The following TENM3 variants were observed in gnomAD, a reference collection of about 807,000 sequenced individuals.
TENM3 encodes teneurin-3.
Under a neutral mutation model 255.1 loss-of-function variants are expected in TENM3, and 63 were observed. The ratio of observed to expected loss-of-function variants is 0.25; its 90% confidence interval spans 0.20 to 0.30. The LOEUF is 0.30. TENM3 is among the 10% of genes least tolerant of loss of function. The pLI is 1.00. For synonymous variants in TENM3, 1,306 were observed against 1,322.3 expected (o/e 0.99, Z 0.27); for missense variants, 2,929 against 3,461.1 (o/e 0.85, Z 3.86).
chr4:181,908,800 A>G, the TENM3 span, among the ~76,000 whole-genome samples: 4 of 152,240 alleles, frequency 2.6e-5, no homozygotes, highest in South Asian at 2.1e-4. Flanking sequence ...TCAGGTTATC[A>G]TAGTTATGTG....
the TENM3 span, among the ~76,000 whole-genome samples, chr4:181,727,041 G>C: frequency 6.6e-6 from 1 of 152,086 alleles, no homozygotes; most frequent in Admixed American, 6.5e-5. Context: ...AGGAACCTTC[G>C]TGTGTTCAGC....
chr4:182,190,389 A>T (rs1407465514), intron 1 of TENM3: 1 of 152,138 alleles, frequency 6.6e-6, no homozygotes, highest in African/African-American at 2.4e-5. Flanking sequence ...CTTTCTGCGT[A>T]CCTCCCGTCT....
At chr4:182,477,542 G>A (rs1733791548) in intron 3 of TENM3, among the ~76,000 whole-genome samples, 1 of 152,056 alleles carries the variant, frequency 6.6e-6, no homozygotes, top group African/African-American at 2.4e-5. Flanking sequence ...CCTCCCACCG[G>A]CCTCCTGAAT....
chr4:181,849,949 T>TCACACACACACACA, the TENM3 span, among the ~76,000 whole-genome samples: 4 of 65,954 alleles, frequency 6.1e-5, no homozygotes, highest in African/African-American at 8.7e-5. Context: ...TCTCTCTCTC[T>TCACACACACACACA]CACACACACA....
intron 13 of TENM3, among the ~76,000 whole-genome samples, chr4:182,724,976 C>T (rs1760048171): frequency 6.6e-6 from 1 of 151,840 alleles, no homozygotes; most frequent in Non-Finnish European, 1.5e-5. Context: ...AAAGATTCGT[C>T]ATAAACATCA....
chr4:182,423,140 C>G (rs535376945), intron 3 of TENM3, among the ~76,000 whole-genome samples: 1 of 152,162 alleles, frequency 6.6e-6, no homozygotes, highest in Admixed American at 6.5e-5. Flanking sequence ...GCTGTCGTGG[C>G]CTTTCCTGTT....
chr4:181,744,477 C>T, the TENM3 span, among the ~76,000 whole-genome samples: 2 of 152,152 alleles, frequency 1.3e-5, no homozygotes, highest in Non-Finnish European at 2.9e-5. Flanking sequence ...TCTCTGCAAC[C>T]TCACCAGCAT....
intron 3 of TENM3, among the ~76,000 whole-genome samples, chr4:182,497,843 A>AATAC (rs1219702907): frequency 1.1e-5 from 1 of 90,108 alleles, no homozygotes; most frequent in African/African-American, 6.0e-5. Flanking sequence ...CTCTACTAAA[A>AATAC]ATACATATAT....
chr4:182,221,043 G>T (rs148393628), intron 1 of TENM3, among the ~76,000 whole-genome samples: 4 of 152,254 alleles, frequency 2.6e-5, no homozygotes, highest in Non-Finnish European at 5.9e-5. Flanking sequence ...TAAAATTCTC[G>T]ATGAAAAGCA....
At chr4:181,898,755 G>A in the TENM3 span, among the ~76,000 whole-genome samples, 60,541 of 151,826 alleles carry the variant, frequency 0.4, 12,499 homozygotes, top group East Asian at 0.5. Context: ...TGTCATGTGT[G>A]TGTGATTCCA....
the TENM3 span, among the ~76,000 whole-genome samples, chr4:182,020,401 T>C: frequency 6.6e-6 from 1 of 151,714 alleles, no homozygotes. Flanking sequence ...AAAAGTAATC[T>C]GGGGGAAAGG....
chr4:181,553,886 C>T, the TENM3 span, among the ~76,000 whole-genome samples: 682 of 152,116 alleles, frequency 4.5e-3, 6 homozygotes, highest in African/African-American at 0.015. Flanking sequence ...GGGCTCTTAG[C>T]GCTGCCCAGC....
chr4:182,728,943 TG>T, intron 13 of TENM3, 21 bp from the exon 14 acceptor site: 1 of 1,601,558 alleles, frequency 6.2e-7, no homozygotes, highest in African/African-American at 1.3e-5. Flanking sequence ...ATTCTCTTAC[TG>T]GGGAACATTT....
rs1339240627 is a variant in TENM3, at chr4:182,653,670, A to AT, written c.989-99dup. The AT allele has an allele frequency of 1.1e-5, 15 of 1,320,658 alleles. No homozygotes were observed. The East Asian group carries it at 3.8e-4, about 33-fold the overall frequency. 81.8% of individuals were successfully genotyped at this position (1,320,658 alleles called of 1,614,324 possible). A position where few individuals can be genotyped will look rare whatever the true frequency, so the allele number is the denominator to read the frequency against. On this transcript the variant is annotated intron_variant, in intron 5 of 27. Transcript: ENST00000511685. ...ATCCTTGGTATTTCAGAAAATGGAA[A>AT]TTGTAACTTTACATATGACTCTTGT...
At chr4:182,653,652 G>A in intron 5 of TENM3, 119 bp from the exon 6 acceptor site, 2 of 1,108,808 alleles carry the variant, frequency 1.8e-6, no homozygotes, top group Non-Finnish European at 2.5e-6. Flanking sequence ...GTTATCCTTG[G>A]TATTTCAGAA....
the TENM3 span, among the ~76,000 whole-genome samples, chr4:181,922,420 T>C: frequency 6.6e-6 from 1 of 152,218 alleles, no homozygotes; most frequent in Non-Finnish European, 1.5e-5. Context: ...GAGCCTGTTA[T>C]TGGTCTATTC....
At chr4:182,743,041 T>G in intron 18 of TENM3, 129 bp from the exon 19 acceptor site, 1 of 992,006 alleles carries the variant, frequency 1.0e-6, no homozygotes, top group Non-Finnish European at 1.5e-6. Context: ...CCAATGGAGC[T>G]TCAAATAAGA....
chr4:182,778,225 C>G (rs200646076), intron 24 of TENM3, among the ~76,000 whole-genome samples: 2 of 152,154 alleles, frequency 1.3e-5, no homozygotes, highest in East Asian at 3.9e-4. Flanking sequence ...AATTCATCCC[C>G]TAAAGCTGCC....
At chr4:182,432,606 A>G (rs1409806553) in intron 3 of TENM3, among the ~76,000 whole-genome samples, 2 of 152,238 alleles carry the variant, frequency 1.3e-5, no homozygotes, top group Admixed American at 6.5e-5. Flanking sequence ...TCAGGACAGA[A>G]GAGGAGACAT....
Sources: gnomAD v4.1 joint callset for allele counts (sites outside exome capture counted in the v4.1 genomes callset) on GRCh38, gnomAD v4.1.1 for gene constraint, MANE v1.5 for transcripts, NCBI Gene and HGNC (gene_info 2026-07-23, HGNC 2026-07-21) for gene names.